JAKMIP2: variants seen among roughly 807,000 people sequenced by gnomAD.
JAKMIP2 encodes janus kinase and microtubule-interacting protein 2.
A neutral mutation model predicts 115.0 loss-of-function variants in JAKMIP2; 25 were observed. The ratio of observed to expected loss-of-function variants is 0.22; its 90% CI spans 0.16 to 0.30. JAKMIP2 has a LOEUF of 0.30. JAKMIP2 is among the 10% of genes least tolerant of loss of function. The pLI, the probability that JAKMIP2 is intolerant of heterozygous loss-of-function variation, is 1.00. For synonymous variants in JAKMIP2, 334 were observed against 343.6 expected (o/e 0.97, Z 0.31); for missense variants, 642 against 957.6 (o/e 0.67, Z 4.35).
At chr5:147,653,136 G>A (rs1297907657) in intron 3 of JAKMIP2, among the ~76,000 whole-genome samples, 4 of 152,138 alleles carry the variant, frequency 2.6e-5, no homozygotes, top group Non-Finnish European at 5.9e-5. Context: ...TTGGTTCCAT[G>A]TCTTTGCTAT....
chr5:147,622,661 A>C (rs1756907251), intron 17 of JAKMIP2, among the ~76,000 whole-genome samples: 1 of 152,216 alleles, frequency 6.6e-6, no homozygotes, highest in Admixed American at 6.5e-5. Flanking sequence ...CCATTGATGG[A>C]CATTTGGGTT....
In JAKMIP2 at chr5:147,585,494, C is replaced by T. The variant is rs578227051; in HGVS notation, c.*6213G>A. ...TATAAACTAAAACACCAGAGTTCAT[C>T]GATTCCTATATTAAATACATAAATT... On this transcript the variant is annotated 3_prime_UTR_variant, in exon 22 of 22. Coordinates refer to ENST00000616793, the MANE Select transcript of JAKMIP2 (RefSeq NM_001270941.2). The T allele has an allele frequency of 6.6e-5, 10 of 152,258 alleles. No homozygotes were observed. Among genetic ancestry groups the T allele is most frequent in the South Asian group, 2.1e-4 (1 of 4,824 alleles). The allele number at this position is 152,258 out of a possible 1,614,324, so 9.4% of individuals were successfully genotyped here. A position where few individuals can be genotyped will look rare whatever the true frequency, so the allele number is the denominator to read the frequency against.
intron 1 of JAKMIP2, among the ~76,000 whole-genome samples, chr5:147,720,381 T>A (rs1327841543): frequency 6.7e-6 from 1 of 149,692 alleles, no homozygotes; most frequent in African/African-American, 2.5e-5. Flanking sequence ...ATTTCCTGAA[T>A]CTGAACGTTG....
Position 147,631,522 on chromosome 5 carries a change from A to G in JAKMIP2, c.1777-11T>C. Reference sequence around the variant, plus strand: ...TCGTCTCTCTCTCTCCTTGAAACACAGTGAAGAATATATGGAAATTAAAAA... The same window carrying G: ...TCGTCTCTCTCTCTCCTTGAAACACGGTGAAGAATATATGGAAATTAAAAA... On this transcript the variant is annotated splice_polypyrimidine_tract_variant and intron_variant, in intron 13 of 21. Coordinates refer to ENST00000616793, the MANE Select transcript of JAKMIP2 (RefSeq NM_001270941.2). 2 of 1,530,704 alleles carry G rather than the reference A, an allele frequency of 1.3e-6. No individual in the cohort carries two copies. Among genetic ancestry groups the G allele is most frequent in the Non-Finnish European group, 1.8e-6 (2 of 1,105,234 alleles). 94.8% of individuals were successfully genotyped at this position (1,530,704 alleles called of 1,614,324 possible). A position where few individuals can be genotyped will look rare whatever the true frequency, so the allele number is the denominator to read the frequency against.
At chr5:147,772,674 C>T (rs1561587144) in intron 1 of JAKMIP2, among the ~76,000 whole-genome samples, 1 of 151,938 alleles carries the variant, frequency 6.6e-6, no homozygotes, top group Non-Finnish European at 1.5e-5. Flanking sequence ...TAACATTTCA[C>T]TCAGGTTTAC....
intron 3 of JAKMIP2, among the ~76,000 whole-genome samples, chr5:147,660,155 A>G (rs1758885067): frequency 6.6e-6 from 1 of 152,214 alleles, no homozygotes; most frequent in African/African-American, 2.4e-5. Flanking sequence ...TTGGTCTAAA[A>G]TAATTAAACA....
chr5:147,632,994 A>C (rs1051411415), intron 12 of JAKMIP2, among the ~76,000 whole-genome samples: 1 of 152,218 alleles, frequency 6.6e-6, no homozygotes, highest in Non-Finnish European at 1.5e-5. Context: ...ATGCCAGAAG[A>C]CATCTCTGTT....
intron 16 of JAKMIP2, among the ~76,000 whole-genome samples, chr5:147,625,784 G>A (rs1305960739): frequency 1.3e-5 from 2 of 151,978 alleles, no homozygotes; most frequent in Admixed American, 6.6e-5. Context: ...TTATTTGGGC[G>A]GTGGATACAC....
At chr5:147,704,538 G>C (rs1314902192) in intron 1 of JAKMIP2, among the ~76,000 whole-genome samples, 1 of 152,104 alleles carries the variant, frequency 6.6e-6, no homozygotes, top group Middle Eastern at 3.2e-3. Flanking sequence ...GGGAAGAGAG[G>C]AGGAGGCTCC....
intron 12 of JAKMIP2, among the ~76,000 whole-genome samples, chr5:147,635,901 G>A (rs887576605): frequency 5.3e-5 from 8 of 152,234 alleles, no homozygotes; most frequent in Non-Finnish European, 1.0e-4. Flanking sequence ...TACACAGGAT[G>A]TGCACGTGTG....
At chr5:147,636,134 C>T (rs1396016180) in intron 12 of JAKMIP2, 88 bp downstream of exon 12, 4 of 1,079,506 alleles carry the variant, frequency 3.7e-6, no homozygotes, top group Non-Finnish European at 5.6e-6. Context: ...CCCCTGGCCC[C>T]TGTGCCACTC....
At chr5:147,748,874 G>A (rs1754450920) in intron 1 of JAKMIP2, among the ~76,000 whole-genome samples, 1 of 152,150 alleles carries the variant, frequency 6.6e-6, no homozygotes, top group Non-Finnish European at 1.5e-5. Flanking sequence ...GCATTTCACT[G>A]TGAACCAGAA....
intron 1 of JAKMIP2, among the ~76,000 whole-genome samples, chr5:147,714,544 G>A (rs1480227459): frequency 1.3e-5 from 2 of 152,126 alleles, no homozygotes; most frequent in Admixed American, 1.3e-4. Flanking sequence ...GACAGAATGG[G>A]GCTGAGGCAA....
At chr5:147,628,667 G>T in intron 16 of JAKMIP2, 84 bp downstream of exon 16, 1 of 969,570 alleles carries the variant, frequency 1.0e-6, no homozygotes, top group East Asian at 2.4e-5. Context: ...CATGTGCAGA[G>T]GGAATGTCCT....
At chr5:147,681,472 CG>C (rs765107180) in intron 1 of JAKMIP2, among the ~76,000 whole-genome samples, 30 of 152,180 alleles carry the variant, frequency 2.0e-4, no homozygotes, top group Non-Finnish European at 3.8e-4. Flanking sequence ...CACCATACCC[CG>C]GGTGGAATAA....
At chr5:147,699,220 G>A (rs1159551868) in intron 1 of JAKMIP2, among the ~76,000 whole-genome samples, 1 of 152,202 alleles carries the variant, frequency 6.6e-6, no homozygotes, top group African/African-American at 2.4e-5. Flanking sequence ...TTCTGATTTG[G>A]TAGGTTGAAA....
At chr5:147,684,672 A>G (rs1406854377) in intron 1 of JAKMIP2, among the ~76,000 whole-genome samples, 2 of 152,200 alleles carry the variant, frequency 1.3e-5, no homozygotes, top group Non-Finnish European at 2.9e-5. Context: ...TTGCCTGCCT[A>G]GGTAGTGAAT....
At chr5:147,710,968 A>G (rs546989651) in intron 1 of JAKMIP2, among the ~76,000 whole-genome samples, 1 of 152,344 alleles carries the variant, frequency 6.6e-6, no homozygotes, top group East Asian at 1.9e-4. Flanking sequence ...ACTATTTCCT[A>G]TTTAAACCAA....
chr5:147,772,222 A>G (rs1755385535), intron 1 of JAKMIP2, among the ~76,000 whole-genome samples: 1 of 152,184 alleles, frequency 6.6e-6, no homozygotes, highest in Admixed American at 6.6e-5. Context: ...TTGCTGGGAC[A>G]TAAGGGAAAC....
Sources: allele counts gnomAD v4.1 joint callset (sites outside exome capture counted in the v4.1 genomes callset), GRCh38; gene constraint gnomAD v4.1.1; transcripts MANE v1.5; gene names NCBI Gene and HGNC (gene_info 2026-07-23, HGNC 2026-07-21).